Variants in SLC4A4 observed in about 807,000 individuals in gnomAD.
The protein encoded by SLC4A4 is solute carrier family 4 member 4.
A neutral mutation model predicts 111.5 loss-of-function variants in SLC4A4; 27 were observed. The ratio of observed to expected loss-of-function variants is 0.24; its 90% CI spans 0.18 to 0.33. The LOEUF (loss-of-function observed/expected upper bound fraction) is 0.33, where lower values mean the gene tolerates loss of function less well. Among genes scored for constraint, SLC4A4 ranks in the 10% least tolerant of loss-of-function variants. The probability of loss-of-function intolerance (pLI) is 1.00; values close to 1 mark genes in which losing one functional copy is unlikely to be tolerated. For synonymous variants in SLC4A4, 443 were observed against 463.4 expected (o/e 0.96, Z 0.57); for missense variants, 909 against 1,315.5 (o/e 0.69, Z 4.78).
chr4:71,294,279 A>T (rs1724606191), intron 3 of SLC4A4, among the ~76,000 whole-genome samples: 1 of 152,326 alleles, frequency 6.6e-6, no homozygotes, highest in East Asian at 1.9e-4. Context: ...ATTCCCCCTG[A>T]CAGGTGTGGA....
intron 6 of SLC4A4, among the ~76,000 whole-genome samples, chr4:71,363,736 G>A (rs1731005141): frequency 6.6e-6 from 1 of 152,144 alleles, no homozygotes; most frequent in African/African-American, 2.4e-5. Context: ...ACATCCACCT[G>A]TTTTGTTCAG....
intron 6 of SLC4A4, among the ~76,000 whole-genome samples, chr4:71,357,486 A>G (rs1170481086): frequency 1.3e-5 from 2 of 152,186 alleles, no homozygotes; most frequent in African/African-American, 4.8e-5. Flanking sequence ...ATTGAATATT[A>G]TAGATGAGTC....
At chr4:71,232,579 T>G (rs1313798561) in intron 1 of SLC4A4, among the ~76,000 whole-genome samples, 1 of 151,964 alleles carries the variant, frequency 6.6e-6, no homozygotes, top group African/African-American at 2.4e-5. Flanking sequence ...ACATAGCTAA[T>G]TTGGAAAAAA....
At chr4:71,379,941 A>G (rs1447067117) in intron 6 of SLC4A4, among the ~76,000 whole-genome samples, 1 of 152,146 alleles carries the variant, frequency 6.6e-6, no homozygotes, top group Non-Finnish European at 1.5e-5. Context: ...TTCCTCATCC[A>G]GGGTCTAACA....
rs781031046 is a variant in SLC4A4 at position 71,450,470 on chromosome 4, G to A, written c.1135G>A (p.Val379Ile). 1.2e-5 allele frequency: 20 copies of A among 1,613,436 alleles called. No homozygotes were observed. Among genetic ancestry groups the A allele is most frequent in the East Asian group, 1.1e-4 (5 of 44,828 alleles). Residue 379 changes from valine to isoleucine, a missense_variant, in exon 10 of 26, where the codon GTC (valine) becomes ATC (isoleucine). By Grantham distance (29) the Val-to-Ile change is conservative. Around this residue, in one of 7 missense-constraint regions of SLC4A4, gnomAD observed 312 missense variants for 402.0 expected, o/e 0.78. Transcript: ENST00000264485. ...TGATGAGTTCCTAGATGAAGTCATCGTCCTTCCACCTGGGGAATGGGATCC... is the reference window on the plus strand; with the variant it reads ...TGATGAGTTCCTAGATGAAGTCATCATCCTTCCACCTGGGGAATGGGATCC... ...GIDEFLDEVIVLPPGEWDPAI... is the reference protein window; with the variant it reads ...GIDEFLDEVIILPPGEWDPAI...
intron 6 of SLC4A4, among the ~76,000 whole-genome samples, chr4:71,369,044 G>T (rs948490933): frequency 4.6e-5 from 7 of 152,106 alleles, no homozygotes; most frequent in African/African-American, 1.7e-4. Flanking sequence ...ACACTAAAGT[G>T]CGCAGCCCGC....
intron 1 of SLC4A4, among the ~76,000 whole-genome samples, chr4:71,084,484 A>T (rs556519621): frequency 6.6e-6 from 1 of 151,952 alleles, no homozygotes; most frequent in Non-Finnish European, 1.5e-5. Context: ...TACATGTGCC[A>T]TGTTGGTGTG....
At chr4:71,384,979 T>A (rs1380135505) in intron 6 of SLC4A4, among the ~76,000 whole-genome samples, 1 of 151,332 alleles carries the variant, frequency 6.6e-6, no homozygotes, top group African/African-American at 2.4e-5. Flanking sequence ...TATACCTATG[T>A]AACAAAACTG....
chr4:71,512,816 TGAGGTAG>T (rs1230489451), intron 16 of SLC4A4, among the ~76,000 whole-genome samples: 1 of 152,152 alleles, frequency 6.6e-6, no homozygotes, highest in African/African-American at 2.4e-5. Flanking sequence ...TTGCATATGG[TGAGGTAG>T]GAGTCCAGTT....
At chr4:71,348,899 C>G (rs1241014478) in intron 4 of SLC4A4, among the ~76,000 whole-genome samples, 3 of 152,116 alleles carry the variant, frequency 2.0e-5, no homozygotes, top group Non-Finnish European at 2.9e-5. Context: ...AATCATTAAG[C>G]CTTTGGGTGA....
At chr4:71,280,222 G>C (rs1459074084) in intron 3 of SLC4A4, among the ~76,000 whole-genome samples, 2 of 152,172 alleles carry the variant, frequency 1.3e-5, no homozygotes, top group Non-Finnish European at 2.9e-5. Context: ...CTTCTTTTGA[G>C]AAATATCTAT....
intron 18 of SLC4A4, among the ~76,000 whole-genome samples, chr4:71,544,357 G>A (rs562445541): frequency 3.2e-4 from 48 of 152,086 alleles, no homozygotes; most frequent in African/African-American, 1.0e-3. Context: ...GACACAGAAA[G>A]CATCAGTGAA....
At chr4:71,152,361 AT>A (rs1429083399) in intron 2 of SLC4A4, among the ~76,000 whole-genome samples, 1 of 151,972 alleles carries the variant, frequency 6.6e-6, no homozygotes, top group African/African-American at 2.4e-5. Context: ...TGCTGTGTAC[AT>A]TTTTCTATGA....
At chr4:71,427,089 A>G (rs1289660274) in intron 7 of SLC4A4, among the ~76,000 whole-genome samples, 1 of 152,142 alleles carries the variant, frequency 6.6e-6, no homozygotes, top group Non-Finnish European at 1.5e-5. Context: ...CACAATGTGA[A>G]CACACCTATA....
intron 4 of SLC4A4, among the ~76,000 whole-genome samples, chr4:71,340,525 C>G (rs183676555): frequency 6.6e-6 from 1 of 152,264 alleles, no homozygotes. Context: ...GGGTTTAGTA[C>G]TATCCATGCC....
intron 3 of SLC4A4, among the ~76,000 whole-genome samples, chr4:71,283,644 T>C (rs1723699257): frequency 6.6e-6 from 1 of 152,210 alleles, no homozygotes; most frequent in Non-Finnish European, 1.5e-5. Context: ...TTAAGAGTAA[T>C]TGCACTAGAT....
At chr4:71,405,691 C>T (rs753986038) in intron 7 of SLC4A4, among the ~76,000 whole-genome samples, 39 of 152,042 alleles carry the variant, frequency 2.6e-4, no homozygotes, top group Non-Finnish European at 5.3e-4. Flanking sequence ...TTATTGAATC[C>T]GCCTCCACTG....
intron 6 of SLC4A4, among the ~76,000 whole-genome samples, chr4:71,367,843 G>A (rs1271065443): frequency 2.6e-5 from 4 of 152,258 alleles, no homozygotes; most frequent in East Asian, 3.9e-4. Context: ...ATAATGTGCC[G>A]AATGCCCAAA....
intron 2 of SLC4A4, among the ~76,000 whole-genome samples, chr4:71,178,328 T>C (rs1395062616): frequency 1.3e-5 from 2 of 151,156 alleles, no homozygotes; most frequent in East Asian, 1.9e-4. Context: ...ATTCCAAAGC[T>C]AGCAAAAGGC....
Sources: allele counts gnomAD v4.1 joint callset (sites outside exome capture counted in the v4.1 genomes callset), GRCh38; gene constraint gnomAD v4.1.1; regional missense constraint gnomAD v4.1.1; transcripts MANE v1.5; gene names NCBI Gene and HGNC (gene_info 2026-07-23, HGNC 2026-07-21).